STXBP5L: variants seen among roughly 807,000 people sequenced by gnomAD.
STXBP5L encodes syntaxin-binding protein 5-like.
Under a neutral mutation model 144.5 loss-of-function variants are expected in STXBP5L, and 65 were observed. That is an observed-to-expected ratio of 0.45 (90% CI 0.37 to 0.55). The LOEUF (loss-of-function observed/expected upper bound fraction) is 0.55, where lower values mean the gene tolerates loss of function less well. STXBP5L is among the 20% of genes least tolerant of loss of function. The pLI is 0.00. For synonymous variants in STXBP5L, 505 were observed against 469.6 expected, an observed-to-expected ratio of 1.08 and a Z score of -0.97; for missense variants, 1,298 against 1,405.5, an observed-to-expected ratio of 0.92 and a Z score of 1.22.
intron 3 of STXBP5L, among the ~76,000 whole-genome samples, chr3:121,039,560 A>G (rs1407274904): frequency 6.6e-6 from 1 of 151,636 alleles, no homozygotes; most frequent in Non-Finnish European, 1.5e-5. Flanking sequence ...GTATATCCAG[A>G]TACTATTTGA....
chr3:121,347,780 A>C (rs1177113718), intron 20 of STXBP5L, among the ~76,000 whole-genome samples: 1 of 152,138 alleles, frequency 6.6e-6, no homozygotes, highest in Non-Finnish European at 1.5e-5. Context: ...GTGTATAAGA[A>C]TGCTTGTGAT....
At chr3:121,031,966 T>C (rs976225664) in intron 3 of STXBP5L, among the ~76,000 whole-genome samples, 5 of 152,082 alleles carry the variant, frequency 3.3e-5, no homozygotes, top group African/African-American at 9.7e-5. Flanking sequence ...CAGGATTTGG[T>C]AGGAAAGATA....
At chr3:121,082,791 A>G (rs1453261753) in intron 5 of STXBP5L, among the ~76,000 whole-genome samples, 1 of 152,242 alleles carries the variant, frequency 6.6e-6, no homozygotes, top group East Asian at 1.9e-4. Context: ...CTTGTTATTT[A>G]GTGAACAACA....
At chr3:121,281,929 GA>G (rs960560544) in intron 19 of STXBP5L, among the ~76,000 whole-genome samples, 7 of 151,476 alleles carry the variant, frequency 4.6e-5, no homozygotes, top group African/African-American at 1.7e-4. Context: ...ACAAGCCAAA[GA>G]AGTGTATTTT....
At chr3:120,939,277 A>G (rs1282847434) in intron 2 of STXBP5L, among the ~76,000 whole-genome samples, 1 of 152,202 alleles carries the variant, frequency 6.6e-6, no homozygotes, top group Non-Finnish European at 1.5e-5. Context: ...TTCTTGGTTT[A>G]TTGCTAATGT....
At chr3:121,409,062 A>C (rs1339900687) in intron 23 of STXBP5L, among the ~76,000 whole-genome samples, 1 of 151,996 alleles carries the variant, frequency 6.6e-6, no homozygotes, top group African/African-American at 2.4e-5. Flanking sequence ...CAATAAATTT[A>C]AGATTTGCAC....
intron 5 of STXBP5L, among the ~76,000 whole-genome samples, chr3:121,084,748 G>A (rs2042410524): frequency 6.6e-6 from 1 of 152,024 alleles, no homozygotes. Context: ...GGGTCAAATG[G>A]TATTTCTGGT....
chr3:121,116,521 C>T (rs1027649284), intron 6 of STXBP5L, among the ~76,000 whole-genome samples: 14 of 152,104 alleles, frequency 9.2e-5, no homozygotes, highest in Admixed American at 6.6e-4. Flanking sequence ...TCATACTTGG[C>T]TTATTTCTGT....
chr3:121,225,508 G>A (rs338969), intron 11 of STXBP5L, among the ~76,000 whole-genome samples: 119,574 of 151,930 alleles, frequency 0.79, 47,280 homozygotes, highest in East Asian at 0.93. Context: ...GGAGCTGTAC[G>A]GAGGCCAATG....
chr3:121,348,801 A>T (rs1373454753), intron 20 of STXBP5L, among the ~76,000 whole-genome samples: 1 of 151,938 alleles, frequency 6.6e-6, no homozygotes, highest in Non-Finnish European at 1.5e-5. Flanking sequence ...ATCGGCGGTG[A>T]TATCCCCTTT....
chr3:121,323,266 G>T (rs1393292178), intron 20 of STXBP5L, among the ~76,000 whole-genome samples: 4 of 152,068 alleles, frequency 2.6e-5, no homozygotes, highest in Non-Finnish European at 5.9e-5. Flanking sequence ...TCTTTTTCAA[G>T]GCCAGTGTTC....
intron 5 of STXBP5L, among the ~76,000 whole-genome samples, chr3:121,052,549 T>G (rs1948099379): frequency 6.6e-6 from 1 of 152,190 alleles, no homozygotes; most frequent in Non-Finnish European, 1.5e-5. Context: ...TCAACAACCC[T>G]TCATGCTAAA....
At chr3:121,192,964 T>A (rs1014965881) in intron 9 of STXBP5L, among the ~76,000 whole-genome samples, 3 of 150,466 alleles carry the variant, frequency 2.0e-5, no homozygotes, top group African/African-American at 7.3e-5. Flanking sequence ...AAGCCAAAAT[T>A]GACAAATGGG....
At chr3:121,045,397 G>A (rs1947444828) in intron 4 of STXBP5L, 38 bp from the exon 5 acceptor site, 1 of 1,552,198 alleles carries the variant, frequency 6.4e-7, no homozygotes, top group Non-Finnish European at 8.7e-7. Flanking sequence ...CCTAAATTAA[G>A]TAAATCACAC....
At chr3:121,095,736 C>G (rs932013058) in intron 5 of STXBP5L, among the ~76,000 whole-genome samples, 2 of 151,966 alleles carry the variant, frequency 1.3e-5, no homozygotes, top group Non-Finnish European at 2.9e-5. Context: ...TTCGAACTTC[C>G]TCCTTTAGCT....
At chr3:121,170,687 G>C (rs1432607662) in intron 9 of STXBP5L, among the ~76,000 whole-genome samples, 2 of 152,162 alleles carry the variant, frequency 1.3e-5, no homozygotes, top group East Asian at 3.8e-4. Context: ...TTCTAAAATT[G>C]AGGCAGTAAT....
intron 5 of STXBP5L, among the ~76,000 whole-genome samples, chr3:121,066,484 T>C (rs896143802): frequency 6.6e-6 from 1 of 151,948 alleles, no homozygotes; most frequent in African/African-American, 2.4e-5. Context: ...TTTTTCCCTT[T>C]TTAAATGTGT....
intron 5 of STXBP5L, among the ~76,000 whole-genome samples, chr3:121,055,812 A>G (rs1031534759): frequency 2.0e-5 from 3 of 149,702 alleles, no homozygotes; most frequent in Non-Finnish European, 4.4e-5. Flanking sequence ...CAGTCCTCCC[A>G]CCTTAGCCTC....
chr3:120,976,365 G>A (rs1941014593), intron 3 of STXBP5L, among the ~76,000 whole-genome samples: 1 of 152,276 alleles, frequency 6.6e-6, no homozygotes, highest in Non-Finnish European at 1.5e-5. Context: ...ATAGTAGTTT[G>A]TATTTCTGTG....
Sources: gnomAD v4.1 joint callset for allele counts (sites outside exome capture counted in the v4.1 genomes callset) on GRCh38, gnomAD v4.1.1 for gene constraint, MANE v1.5 for transcripts, NCBI Gene and HGNC (gene_info 2026-07-23, HGNC 2026-07-21) for gene names.